Variants in NR2C2 observed in about 807,000 individuals in gnomAD.
The protein encoded by NR2C2 is nuclear receptor subfamily 2 group C member 2, also known as Nuclear hormone receptor TR4.
Under a neutral mutation model 62.9 loss-of-function variants are expected in NR2C2, and 6 were observed. The ratio of observed to expected loss-of-function variants is 0.10; its 90% CI spans 0.05 to 0.19. The LOEUF is 0.19. NR2C2 is among the 10% of genes least tolerant of loss of function. The probability of loss-of-function intolerance (pLI) is 1.00; values close to 1 mark genes in which losing one functional copy is unlikely to be tolerated. For missense variants in NR2C2, 479 were observed against 762.7 expected, an observed-to-expected ratio of 0.63 and a Z score of 4.38; for synonymous variants, 272 against 273.8, an observed-to-expected ratio of 0.99 and a Z score of 0.07.
At chr3:14,993,941 C>G (rs368661498) in intron 1 of NR2C2, among the ~76,000 whole-genome samples, 1 of 152,314 alleles carries the variant, frequency 6.6e-6, no homozygotes, top group East Asian at 1.9e-4. Context: ...GGACAGCAGT[C>G]TCAGCGCCCA....
At chr3:15,027,741 G>T (rs1575026028) in intron 7 of NR2C2, among the ~76,000 whole-genome samples, 1 of 152,178 alleles carries the variant, frequency 6.6e-6, no homozygotes, top group East Asian at 1.9e-4. Flanking sequence ...GGGACCACAG[G>T]CACACACCAC....
chr3:14,986,846 G>A (rs1256649651), intron 1 of NR2C2, among the ~76,000 whole-genome samples: 1 of 152,184 alleles, frequency 6.6e-6, no homozygotes, highest in East Asian at 1.9e-4. Context: ...TAATAGGAGT[G>A]CCACCCAAAC....
chr3:15,020,640 G>A (rs745663568), intron 4 of NR2C2, 113 bp from the exon 5 acceptor site: 65 of 1,212,280 alleles, frequency 5.4e-5, no homozygotes, highest in Non-Finnish European at 7.5e-5. Context: ...GCATCTAACA[G>A]TGTATGGCAC....
chr3:15,041,451 A>G (rs771829185), intron 13 of NR2C2, among the ~76,000 whole-genome samples: 5 of 152,158 alleles, frequency 3.3e-5, no homozygotes, highest in Admixed American at 2.0e-4. Context: ...CTGGAATGCT[A>G]CCTGCATAGT....
At chr3:15,040,618 A>AC (rs1260783588) in intron 13 of NR2C2, among the ~76,000 whole-genome samples, 1 of 152,210 alleles carries the variant, frequency 6.6e-6, no homozygotes, top group Non-Finnish European at 1.5e-5. Flanking sequence ...CTCTGGTGTG[A>AC]CTGGGGGTGT....
At chr3:15,007,647 T>C (rs1001121029) in intron 2 of NR2C2, among the ~76,000 whole-genome samples, 9 of 152,184 alleles carry the variant, frequency 5.9e-5, no homozygotes, top group African/African-American at 2.2e-4. Flanking sequence ...AGCCCCTCAG[T>C]AAATATTTTA....
chr3:15,040,546 C>T (rs35434588), intron 13 of NR2C2, among the ~76,000 whole-genome samples: 22,328 of 152,170 alleles, frequency 0.15, 1,940 homozygotes, highest in Middle Eastern at 0.21. Context: ...TGATTTTGCC[C>T]CCCAGCAGGG....
intron 1 of NR2C2, among the ~76,000 whole-genome samples, chr3:14,957,805 A>AT (rs75352290): frequency 3.4e-5 from 5 of 148,796 alleles, no homozygotes; most frequent in Non-Finnish European, 4.5e-5. Flanking sequence ...TGCAGTCTAA[A>AT]TTTTTTTTTT....
intron 1 of NR2C2, among the ~76,000 whole-genome samples, chr3:14,983,304 G>T (rs62240373): frequency 6.6e-6 from 1 of 151,812 alleles, no homozygotes; most frequent in Admixed American, 6.6e-5. Flanking sequence ...CCATGAGTTC[G>T]ATTGTCAGAT....
intron 11 of NR2C2, among the ~76,000 whole-genome samples, chr3:15,037,755 C>T (rs908539240): frequency 7.9e-5 from 12 of 152,328 alleles, no homozygotes; most frequent in Non-Finnish European, 1.8e-4. Context: ...TGCCTGGCAG[C>T]AGGGTCAGGG....
chr3:14,959,003 A>C (rs566269405), intron 1 of NR2C2, among the ~76,000 whole-genome samples: 1 of 152,350 alleles, frequency 6.6e-6, no homozygotes, highest in South Asian at 2.1e-4. Context: ...AAATTGTGCT[A>C]GTGAAGATAG....
intron 2 of NR2C2, among the ~76,000 whole-genome samples, chr3:15,006,856 A>C (rs969787565): frequency 3.3e-5 from 5 of 151,220 alleles, no homozygotes; most frequent in South Asian, 2.1e-4. Context: ...GCTCACTGCA[A>C]CTTCTGCCTC....
At chr3:15,022,677 G>A (rs1378556860) in intron 5 of NR2C2, among the ~76,000 whole-genome samples, 1 of 151,802 alleles carries the variant, frequency 6.6e-6, no homozygotes, top group East Asian at 1.9e-4. Context: ...CACCACCCCC[G>A]GCCCAAAGAT....
intron 2 of NR2C2, among the ~76,000 whole-genome samples, chr3:15,005,137 C>G (rs1431722614): frequency 6.6e-6 from 1 of 151,944 alleles, no homozygotes; most frequent in East Asian, 1.9e-4. Flanking sequence ...CTATAGTTTT[C>G]TTTTTATTAG....
At chr3:15,041,171 A>G (rs1296486153) in intron 13 of NR2C2, among the ~76,000 whole-genome samples, 3 of 152,182 alleles carry the variant, frequency 2.0e-5, no homozygotes, top group African/African-American at 2.4e-5. Context: ...AGAGTGTTTT[A>G]CATCCTGTTT....
In NR2C2 at chr3:15,045,017, G is replaced by C. The variant is rs1335125751; in HGVS notation, c.*2009G>C. On this transcript the variant is annotated 3_prime_UTR_variant, in exon 14 of 14. Coordinates refer to ENST00000425241, the MANE Select transcript of NR2C2 (RefSeq NM_001291694.2). ...TGATGGAAAGGATTTAATTTTGCCA[G>C]CTTAAAGTAATTTTTACTTTTCTAA... The C allele has an allele frequency of 6.6e-6, 1 of 152,228 alleles. No homozygotes were observed. Among genetic ancestry groups the C allele is most frequent in the Non-Finnish European group, 1.5e-5 (1 of 68,046 alleles). 9.4% of individuals were successfully genotyped at this position (152,228 alleles called of 1,614,324 possible). A position where few individuals can be genotyped will look rare whatever the true frequency, so the allele number is the denominator to read the frequency against.
At chr3:14,985,728 C>T (rs1260907747) in intron 1 of NR2C2, among the ~76,000 whole-genome samples, 1 of 152,122 alleles carries the variant, frequency 6.6e-6, no homozygotes, top group African/African-American at 2.4e-5. Flanking sequence ...TTTAGCTACT[C>T]CTCTAAGATG....
Position 15,047,918 on chromosome 3 carries a change from A to G in NR2C2, c.*4910A>G. Reference sequence around the variant, plus strand: ...TGCCCTTAAAAGCTACAGATACCAAATTTTCCTCGTCCAGGTCTACTCGGA... The same window carrying G: ...TGCCCTTAAAAGCTACAGATACCAAGTTTTCCTCGTCCAGGTCTACTCGGA... On this transcript the variant is annotated 3_prime_UTR_variant, in exon 14 of 14. Coordinates refer to ENST00000425241, the MANE Select transcript of NR2C2 (RefSeq NM_001291694.2). The G allele has an allele frequency of 6.6e-6, 1 of 152,178 alleles. No individual in the cohort carries two copies. The highest frequency in any genetic ancestry group is 6.5e-5 in the Admixed American group (1 of 15,284). The allele number at this position is 152,178 out of a possible 1,614,324, so 9.4% of individuals were successfully genotyped here.
At chr3:15,038,462 C>G (rs1187396244) in intron 12 of NR2C2, 2 of 208,466 alleles carry the variant, frequency 9.6e-6, no homozygotes, top group African/African-American at 4.6e-5. Flanking sequence ...TTTTCCGGCC[C>G]TTTGCCAGTT....
Sources: gnomAD v4.1 joint callset for allele counts (sites outside exome capture counted in the v4.1 genomes callset) on GRCh38, gnomAD v4.1.1 for gene constraint, MANE v1.5 for transcripts, NCBI Gene and HGNC (gene_info 2026-07-23, HGNC 2026-07-21) for gene names.